TFAP2D: variants seen among roughly 807,000 people sequenced by gnomAD.
The protein encoded by TFAP2D is transcription factor AP-2-delta.
A neutral mutation model predicts 43.6 loss-of-function variants in TFAP2D; 9 were observed. The observed-to-expected ratio is 0.21, with a 90% CI of 0.12 to 0.36. The LOEUF (loss-of-function observed/expected upper bound fraction) is 0.36. Among genes scored for constraint, TFAP2D ranks in the 10% least tolerant of loss-of-function variants. TFAP2D has a pLI of 1.00. For synonymous variants in TFAP2D, 256 were observed against 224.9 expected, an observed-to-expected ratio of 1.14 and a Z score of -1.24; for missense variants, 513 against 561.4, an observed-to-expected ratio of 0.91 and a Z score of 0.87.
intron 7 of TFAP2D, among the ~76,000 whole-genome samples, chr6:50,758,461 C>G (rs78812224): frequency 0.024 from 3,676 of 151,966 alleles, 139 homozygotes; most frequent in African/African-American, 0.083. Context: ...CATCCTGGTT[C>G]CCTCCCACTT....
chr6:50,729,367 C>A, intron 5 of TFAP2D, 55 bp downstream of exon 5: 1 of 1,451,920 alleles, frequency 6.9e-7, no homozygotes, highest in Non-Finnish European at 9.6e-7. Flanking sequence ...GTCTTTGAAA[C>A]TCAGGTTTCT....
At chr6:50,717,757 TC>T (rs1269906208) in intron 2 of TFAP2D, among the ~76,000 whole-genome samples, 4 of 152,256 alleles carry the variant, frequency 2.6e-5, no homozygotes, top group African/African-American at 9.6e-5. Flanking sequence ...GTTATTTTCT[TC>T]CACTGTTCTT....
chr6:50,769,570 C>T (rs1412039637), intron 7 of TFAP2D, among the ~76,000 whole-genome samples: 2 of 152,186 alleles, frequency 1.3e-5, no homozygotes, highest in African/African-American at 2.4e-5. Flanking sequence ...TTATATATAA[C>T]TACCTACCTG....
intron 2 of TFAP2D, 75 bp from the exon 3 acceptor site, chr6:50,719,015 C>A: frequency 7.0e-7 from 1 of 1,438,754 alleles, no homozygotes; most frequent in South Asian, 1.2e-5. Context: ...ATGGGCTAGT[C>A]TAAAAGACTT....
intron 3 of TFAP2D, among the ~76,000 whole-genome samples, chr6:50,725,947 A>C (rs1298468183): frequency 6.6e-6 from 1 of 152,248 alleles, no homozygotes; most frequent in African/African-American, 2.4e-5. Context: ...AGATGCTGTG[A>C]CATAAAAAAT....
chr6:50,719,381 G>A (rs1242990319), intron 3 of TFAP2D, among the ~76,000 whole-genome samples: 1 of 151,808 alleles, frequency 6.6e-6, no homozygotes, highest in African/African-American at 2.4e-5. Flanking sequence ...GATATTTGTT[G>A]CTCCTCACAG....
At chr6:50,757,972 A>T (rs1030691209) in intron 7 of TFAP2D, among the ~76,000 whole-genome samples, 1 of 150,694 alleles carries the variant, frequency 6.6e-6, no homozygotes, top group African/African-American at 2.4e-5. Flanking sequence ...TATGCAATAA[A>T]TATATGTAAA....
rs1420378193 is a variant in TFAP2D, at chr6:50,729,011, A to G, written c.754A>G (p.Ile252Val). 1 of 1,613,612 alleles carries G rather than the reference A, an allele frequency of 6.2e-7. No individual in the cohort carries two copies. Among genetic ancestry groups the G allele is most frequent in the African/African-American group, 1.3e-5 (1 of 74,908 alleles). ...CCTCAATGCTTCACTCTTGGGAGGCATTTTGAGAAGGTAAGACAAAGCTAT... is the reference window on the plus strand; with the variant it reads ...CCTCAATGCTTCACTCTTGGGAGGCGTTTTGAGAAGGTAAGACAAAGCTAT... The part of the protein sequence containing the change: ...ECLNASLLGG[I>V]LRRAKSKNGG... Residue 252 changes from isoleucine to valine, a missense_variant, in exon 4 of 8, where the codon ATT becomes GTT. Ile to Val is a conservative substitution (Grantham distance 29). Coordinates refer to ENST00000008391, the MANE Select transcript of TFAP2D (RefSeq NM_172238.4).
intron 1 of TFAP2D, 87 bp downstream of exon 1, chr6:50,714,181 GC>G: frequency 7.3e-7 from 1 of 1,362,816 alleles, no homozygotes; most frequent in Non-Finnish European, 1.0e-6. Context: ...GGCGGTGGCA[GC>G]CTCCCCTGTC....
intron 7 of TFAP2D, among the ~76,000 whole-genome samples, chr6:50,766,391 G>C (rs1769440922): frequency 6.6e-6 from 1 of 151,948 alleles, no homozygotes; most frequent in Non-Finnish European, 1.5e-5. Flanking sequence ...TTTCCTATTT[G>C]TGTGAAAATG....
intron 7 of TFAP2D, among the ~76,000 whole-genome samples, chr6:50,759,573 A>G (rs1425777701): frequency 1.3e-5 from 2 of 152,034 alleles, no homozygotes; most frequent in East Asian, 1.9e-4. Context: ...TAGCATTTTC[A>G]TTCCTCTATT....
intron 7 of TFAP2D, among the ~76,000 whole-genome samples, chr6:50,752,154 T>C (rs185109625): frequency 6.8e-4 from 104 of 152,062 alleles, no homozygotes; most frequent in African/African-American, 2.2e-3. Flanking sequence ...AAATGTATTA[T>C]TGGAGTCATA....
chr6:50,758,526 C>T (rs1052175696), intron 7 of TFAP2D, among the ~76,000 whole-genome samples: 1 of 151,888 alleles, frequency 6.6e-6, no homozygotes, highest in Non-Finnish European at 1.5e-5. Flanking sequence ...TTATTCATTC[C>T]CATTTCCTTC....
intron 6 of TFAP2D, among the ~76,000 whole-genome samples, chr6:50,749,608 A>C (rs1397354876): frequency 6.6e-6 from 1 of 151,926 alleles, no homozygotes; most frequent in African/African-American, 2.4e-5. Context: ...TCTATATTAA[A>C]TAACACAAAG....
chr6:50,715,076 C>T (rs1768594062), intron 1 of TFAP2D, 40 bp from the exon 2 acceptor site: 1 of 1,591,176 alleles, frequency 6.3e-7, no homozygotes, highest in South Asian at 1.1e-5. Context: ...TGACAAACCT[C>T]AAGTTTTTCT....
At chr6:50,737,452 T>C (rs1768979652) in intron 5 of TFAP2D, among the ~76,000 whole-genome samples, 1 of 152,196 alleles carries the variant, frequency 6.6e-6, no homozygotes, top group Non-Finnish European at 1.5e-5. Flanking sequence ...TACTTTTTGA[T>C]TGATTAATAT....
chr6:50,744,991 T>C, intron 5 of TFAP2D, 116 bp from the exon 6 acceptor site: 1 of 1,309,496 alleles, frequency 7.6e-7, no homozygotes, highest in Non-Finnish European at 1.0e-6. Flanking sequence ...ATAGTTTAAG[T>C]AGGAAAAATG....
chr6:50,761,521 A>T (rs538807156), intron 7 of TFAP2D, among the ~76,000 whole-genome samples: 1 of 152,108 alleles, frequency 6.6e-6, no homozygotes, highest in South Asian at 2.1e-4. Flanking sequence ...ACACATATTG[A>T]ATCAGTGTTT....
intron 7 of TFAP2D, among the ~76,000 whole-genome samples, chr6:50,770,886 T>C (rs1156932671): frequency 6.6e-6 from 1 of 152,108 alleles, no homozygotes; most frequent in African/African-American, 2.4e-5. Flanking sequence ...ATATGCACAA[T>C]GTTGTATATA....
Sources: allele counts gnomAD v4.1 joint callset (sites outside exome capture counted in the v4.1 genomes callset), GRCh38; gene constraint gnomAD v4.1.1; transcripts MANE v1.5; gene names NCBI Gene and HGNC (gene_info 2026-07-23, HGNC 2026-07-21).